The following SPSB1 variants were observed in gnomAD, a reference collection of about 807,000 sequenced individuals.
SPSB1 encodes splA/ryanodine receptor domain and SOCS box containing 1, also known as SPRY domain-containing SOCS box protein 1.
Under a neutral mutation model 21.2 loss-of-function variants are expected in SPSB1, and 8 were observed. The observed-to-expected ratio is 0.38, with a 90% confidence interval of 0.22 to 0.68. The LOEUF is 0.68. SPSB1 is among the 30% of genes least tolerant of loss of function. The probability of loss-of-function intolerance (pLI) is 0.53; values close to 1 mark genes in which losing one functional copy is unlikely to be tolerated. For synonymous variants in SPSB1, 169 were observed against 161.7 expected, an observed-to-expected ratio of 1.05 and a Z score of -0.34; for missense variants, 242 against 377.8, an observed-to-expected ratio of 0.64 and a Z score of 2.98.
chr1:9,309,699 C>T (rs966717142), intron 1 of SPSB1, among the ~76,000 whole-genome samples: 2 of 152,004 alleles, frequency 1.3e-5, no homozygotes, highest in Non-Finnish European at 2.9e-5. Context: ...AAAAATTAGT[C>T]GGGGATGGTG....
At position 9,293,449 on chromosome 1, in the gene SPSB1, C is replaced by T. The variant is rs865786313; in HGVS notation, c.-150+378C>T. Among the ~76,000 whole-genome samples the T allele has an allele frequency of 1.2e-4, 18 of 151,734 alleles. No individual in the cohort carries two copies. The highest frequency in any genetic ancestry group is 4.1e-4 in the African/African-American group (17 of 41,474). ...GCTCCGGGGCCGCCGACCCGTCCCC[C>T]CTTTAGCCCGGGGAAAGCGGGACCC... is the stretch of plus-strand genomic sequence containing the variant. On this transcript the variant is annotated intron_variant, in intron 1 of 2. Transcript: ENST00000328089. This position sits in a 1 kb window ranked among gnomAD's most constrained non-coding sequence, Gnocchi z 5.1.
chr1:9,346,214 T>TA lies in SPSB1; in HGVS notation c.-149-9528dup, dbSNP rs1267003701. Among the ~76,000 whole-genome samples the TA allele has an allele frequency of 4.6e-5, 7 of 152,238 alleles. No homozygotes were observed. The highest frequency in any genetic ancestry group is 3.9e-4 in the Admixed American group (6 of 15,282). On this transcript the variant is annotated intron_variant, in intron 1 of 2. Coordinates refer to ENST00000328089, the MANE Select transcript of SPSB1 (RefSeq NM_025106.4). The surrounding 1 kb of genome is among the most constrained non-coding windows in gnomAD (Gnocchi z 4.4). Reference sequence around the variant, plus strand: ...GACGGGGCGGCAGAGGGAGGGAACTTACGTGATCTTCAGGTGAAAGGAGGC... The same window carrying TA: ...GACGGGGCGGCAGAGGGAGGGAACTTAACGTGATCTTCAGGTGAAAGGAGGC...
At chr1:9,351,123 G>C (rs943211509) in intron 1 of SPSB1, among the ~76,000 whole-genome samples, 1 of 152,232 alleles carries the variant, frequency 6.6e-6, no homozygotes. Flanking sequence ...CTGGCCCACT[G>C]TCTATTTTTG....
chr1:9,320,856 A>G lies in SPSB1; in HGVS notation c.-150+27785A>G, dbSNP rs538153307. Among the ~76,000 whole-genome samples the G allele has an allele frequency of 2.6e-5, 4 of 151,144 alleles. No individual in the cohort carries two copies. The East Asian group carries it at 5.9e-4, about 22-fold the overall frequency. On this transcript the variant is annotated intron_variant, in intron 1 of 2. Transcript: ENST00000328089. ...AGCTACAACGTCCTGCGCCGGGTTTAGCAGGATGGAGTTAGAGTGAGCTCT... is the reference window on the plus strand; with the variant it reads ...AGCTACAACGTCCTGCGCCGGGTTTGGCAGGATGGAGTTAGAGTGAGCTCT...
intron 1 of SPSB1, among the ~76,000 whole-genome samples, chr1:9,307,319 G>C (rs186809930): frequency 6.6e-6 from 1 of 152,122 alleles, no homozygotes; most frequent in South Asian, 2.1e-4. Flanking sequence ...TCACAATGTC[G>C]TGCAACTATC....
In SPSB1 at chr1:9,330,935, C is replaced by CT. The variant is rs56819014; in HGVS notation, c.-149-24798dup. On this transcript the variant is annotated intron_variant, in intron 1 of 2. Coordinates refer to ENST00000328089, the MANE Select transcript of SPSB1 (RefSeq NM_025106.4). ...TGCCAACACTTGTAATTTTCTGCGT[C>CT]TTTTTTTTTTACATACTTAAAAAAA... is the stretch of plus-strand genomic sequence containing the variant. 7.1e-3 allele frequency among the ~76,000 whole-genome samples: 1,062 copies of CT among 149,762 alleles called. 13 individuals carry two copies. Among genetic ancestry groups the CT allele is most frequent in the African/African-American group, 0.024 (968 of 40,624 alleles).
At chr1:9,334,536 A>G (rs1170977932) in intron 1 of SPSB1, among the ~76,000 whole-genome samples, 1 of 152,194 alleles carries the variant, frequency 6.6e-6, no homozygotes, top group Non-Finnish European at 1.5e-5. Context: ...TACCATTTTA[A>G]AACCATTTTT....
intron 1 of SPSB1, among the ~76,000 whole-genome samples, chr1:9,308,321 C>CAGGTCCTGCATACCCAGCAGT (rs918595707): frequency 2.0e-5 from 3 of 152,304 alleles, no homozygotes; most frequent in South Asian, 2.1e-4. Flanking sequence ...CATGGATACC[C>CAGGTCCTGCATACCCAGCAGT]AGGTCCTGCA....
At chr1:9,298,419 TAAGTGAAC>T (rs1397182574) in intron 1 of SPSB1, among the ~76,000 whole-genome samples, 3 of 90,886 alleles carry the variant, frequency 3.3e-5, no homozygotes, top group Non-Finnish European at 7.3e-5. Flanking sequence ...AATGAATGAA[TAAGTGAAC>T]GAATGAATGA....
At chr1:9,360,289 A>G (rs1309889030) in intron 2 of SPSB1, among the ~76,000 whole-genome samples, 1 of 152,200 alleles carries the variant, frequency 6.6e-6, no homozygotes, top group Non-Finnish European at 1.5e-5. Flanking sequence ...GCAAAGTAGC[A>G]GCAGGTCAAG....
intron 1 of SPSB1, among the ~76,000 whole-genome samples, chr1:9,316,716 G>A (rs1189229275): frequency 1.3e-5 from 2 of 152,356 alleles, no homozygotes; most frequent in African/African-American, 4.8e-5. Context: ...GCCTTCGTCA[G>A]GACCACGGCT....
At position 9,346,823 on chromosome 1, in the gene SPSB1, G is replaced by A. The variant is rs530821934; in HGVS notation, c.-149-8920G>A. On this transcript the variant is annotated intron_variant, in intron 1 of 2. Coordinates refer to ENST00000328089, the MANE Select transcript of SPSB1 (RefSeq NM_025106.4). The surrounding 1 kb of genome is among the most constrained non-coding windows in gnomAD (Gnocchi z 4.4). ...CTGCTGTGCAGCTGCCACCTGGCTG[G>A]GTATGGGGACGGACCAGCTGTTCTC... Among the ~76,000 whole-genome samples, 16 of 152,350 alleles carry A rather than the reference G, an allele frequency of 1.1e-4. No homozygotes were observed. Among genetic ancestry groups the A allele is most frequent in the Non-Finnish European group, 1.8e-4 (12 of 68,032 alleles).
intron 1 of SPSB1, among the ~76,000 whole-genome samples, chr1:9,322,534 G>A (rs539266430): frequency 1.1e-4 from 16 of 152,294 alleles, no homozygotes; most frequent in East Asian, 7.7e-4. Context: ...TAATTGAGGA[G>A]GGATGGCAAT....
chr1:9,328,490 C>T (rs1032198769), intron 1 of SPSB1, among the ~76,000 whole-genome samples: 14 of 152,322 alleles, frequency 9.2e-5, no homozygotes, highest in East Asian at 1.9e-4. Context: ...CTTAAGAATC[C>T]GTCAAGGCCA....
intron 1 of SPSB1, among the ~76,000 whole-genome samples, chr1:9,309,880 T>A (rs867163339): frequency 6.6e-6 from 1 of 152,048 alleles, no homozygotes; most frequent in African/African-American, 2.4e-5. Context: ...AAAATAGTGG[T>A]AACTGGGGGC....
rs140247394 is a variant in SPSB1 at position 9,310,520 on chromosome 1, C to T, written c.-150+17449C>T. ...CCAGCCTGGGCAACATGGTGAAACC[C>T]CGTCTCTACTAAAAATACAGAAAAA... is the stretch of plus-strand genomic sequence containing the variant. On this transcript the variant is annotated intron_variant, in intron 1 of 2. Transcript: ENST00000328089. Among the ~76,000 whole-genome samples the T allele has an allele frequency of 1.6e-3, 245 of 152,214 alleles. 4 individuals are homozygous for T. The highest frequency in any genetic ancestry group is 3.7e-3 in the South Asian group (18 of 4,826).
rs1482848103 is a variant in SPSB1 at position 9,345,796 on chromosome 1, A to G, written c.-149-9947A>G. Among the ~76,000 whole-genome samples, 2 of 152,202 alleles carry G rather than the reference A, an allele frequency of 1.3e-5. No homozygotes were observed. The highest frequency in any genetic ancestry group is 2.4e-5 in the African/African-American group (1 of 41,448). On this transcript the variant is annotated intron_variant, in intron 1 of 2. Transcript: ENST00000328089. This position sits in a 1 kb window ranked among gnomAD's most constrained non-coding sequence, Gnocchi z 4.8. The stretch of plus-strand genomic sequence containing the variant: ...GATTTTCTCTCCAAAATCACTTGTC[A>G]GAACTTTCCAGAAGGATCCTGTTCT...
intron 1 of SPSB1, among the ~76,000 whole-genome samples, chr1:9,344,818 C>T (rs933855557): frequency 6.6e-6 from 1 of 152,060 alleles, no homozygotes; most frequent in African/African-American, 2.4e-5. Flanking sequence ...GTCCTCAGAT[C>T]CCTTCCCCGG....
At position 9,330,476 on chromosome 1, in the gene SPSB1, CAAT is replaced by C. The variant is rs56325526; in HGVS notation, c.-149-25249_-149-25247del. 1.5e-3 allele frequency among the ~76,000 whole-genome samples: 224 copies of C among 150,480 alleles called. 5 individuals carry two copies. In the East Asian group the frequency reaches 0.033, roughly 22 times the overall value. ...GCTAAATTCTGTCTCAAAATAATAA[CAAT>C]AATAATAATAATAATAAAGATTTGC... On this transcript the variant is annotated intron_variant, in intron 1 of 2. Transcript: ENST00000328089.
Sources: gnomAD v4.1 joint callset for allele counts (sites outside exome capture counted in the v4.1 genomes callset) on GRCh38, gnomAD v4.1.1 for gene constraint, Gnocchi (gnomAD v3.1) non-coding constraint, MANE v1.5 for transcripts, NCBI Gene and HGNC (gene_info 2026-07-23, HGNC 2026-07-21) for gene names.